PGM1: variants seen among roughly 807,000 people sequenced by gnomAD.
The protein encoded by PGM1 is phosphoglucomutase 1.
In PGM1, 52 loss-of-function variants were observed where a neutral mutation model predicts 55.6. The ratio of observed to expected loss-of-function variants is 0.94; its 90% CI spans 0.75 to 1.18. The LOEUF (loss-of-function observed/expected upper bound fraction) is 1.18. Among genes scored for constraint, PGM1 ranks in the 50% most tolerant of loss-of-function variants. The probability of loss-of-function intolerance (pLI) is 0.00; values close to 1 mark genes in which losing one functional copy is unlikely to be tolerated. For synonymous variants in PGM1, 287 were observed against 271.7 expected (o/e 1.06, Z -0.55); for missense variants, 724 against 729.3 (o/e 0.99, Z 0.08).
intron 4 of PGM1, among the ~76,000 whole-genome samples, chr1:63,632,370 C>T (rs994529328): frequency 2.0e-5 from 3 of 152,142 alleles, no homozygotes; most frequent in African/African-American, 4.8e-5. Flanking sequence ...ATCCCTGAAA[C>T]CTATACACAT....
chr1:63,633,586 G>A (rs527606028), intron 4 of PGM1, among the ~76,000 whole-genome samples: 7 of 152,170 alleles, frequency 4.6e-5, no homozygotes, highest in African/African-American at 1.2e-4. Flanking sequence ...TCAGAGATGC[G>A]TGTTCTTGGT....
At chr1:63,618,687 TC>T (rs1207445877) in intron 1 of PGM1, among the ~76,000 whole-genome samples, 58 of 152,292 alleles carry the variant, frequency 3.8e-4, no homozygotes, top group African/African-American at 1.3e-3. Flanking sequence ...GGGTTACCTT[TC>T]CAGTTGAATT....
intron 1 of PGM1, chr1:63,623,801 A>G (rs1648951616): frequency 1.4e-6 from 2 of 1,407,312 alleles, no homozygotes; most frequent in African/African-American, 2.8e-5. Flanking sequence ...TGGCTCTCCA[A>G]ATAACCTTAA....
At chr1:63,633,487 G>A (rs1649252733) in intron 4 of PGM1, among the ~76,000 whole-genome samples, 1 of 152,090 alleles carries the variant, frequency 6.6e-6, no homozygotes, top group South Asian at 2.1e-4. Flanking sequence ...TGCCTCATAG[G>A]ACACATTTAT....
At chr1:63,622,857 G>A (rs548063418) in intron 1 of PGM1, among the ~76,000 whole-genome samples, 1 of 152,322 alleles carries the variant, frequency 6.6e-6, no homozygotes, top group South Asian at 2.1e-4. Flanking sequence ...AAAACCAGGG[G>A]TAAATTAAGC....
rs368108235 is a variant in PGM1 at position 63,593,477 on chromosome 1, C to A, written c.-12C>A. On this transcript the variant is annotated 5_prime_UTR_variant, in exon 1 of 11. Transcript: ENST00000371084. Reference sequence around the variant, plus strand: ...AGTCCGCCGCTCTGACCCCCGGCAGCAAGTCGCCACCATGGTGAAGATCGT... The same window carrying A: ...AGTCCGCCGCTCTGACCCCCGGCAGAAAGTCGCCACCATGGTGAAGATCGT... The A allele has an allele frequency of 2.3e-5, 37 of 1,613,470 alleles. No individual in the cohort carries two copies. The highest frequency in any genetic ancestry group is 2.9e-5 in the Non-Finnish European group (34 of 1,179,900).
At chr1:63,593,770 T>TGGCGCGTGTGCGACGTGC (rs749490180) in intron 1 of PGM1, 36 bp downstream of exon 1, 1 of 1,553,466 alleles carries the variant, frequency 6.4e-7, no homozygotes, top group Middle Eastern at 2.3e-4. Flanking sequence ...CTGTGCACCC[T>TGGCGCGTGTGCGACGTGC]GGCGCGTGTG....
At chr1:63,598,032 C>T (rs764178201) in intron 1 of PGM1, among the ~76,000 whole-genome samples, 31 of 152,100 alleles carry the variant, frequency 2.0e-4, no homozygotes, top group Non-Finnish European at 3.2e-4. Context: ...CACAGTAGCG[C>T]GATCGTGGCT....
intron 4 of PGM1, among the ~76,000 whole-genome samples, chr1:63,634,551 G>C (rs187654271): frequency 2.6e-5 from 4 of 152,184 alleles, no homozygotes; most frequent in Admixed American, 2.0e-4. Flanking sequence ...TATACCGCAG[G>C]GCCTTTATAA....
intron 10 of PGM1, among the ~76,000 whole-genome samples, chr1:63,656,570 T>TA (rs1649971361): frequency 8.6e-6 from 1 of 116,860 alleles, no homozygotes; most frequent in African/African-American, 3.8e-5. Flanking sequence ...GAAGACATTG[T>TA]GGTGTGTGTG....
Position 63,593,574 on chromosome 1 carries a change from T to A in PGM1, c.86T>A (p.Phe29Tyr), listed in dbSNP as rs545457280. The change falls in exon 1 of 11, where the codon TTC becomes TAC. Residue 29 changes from phenylalanine to tyrosine, a missense_variant. This residue lies in a region of PGM1 where 379 missense variants were observed against 357.5 expected (regional missense o/e 1.06). Transcript: ENST00000371084. ...GGGCTGCGGAAGCGGGTGAAGGTGT[T>A]CCAGAGCAGCGCCAACTACGCGGAG... ...TSGLRKRVKV[F>Y]QSSANYAENF... 4 of 1,613,774 alleles carry A rather than the reference T, an allele frequency of 2.5e-6. No individual in the cohort carries two copies. In the South Asian group the frequency reaches 4.4e-5, roughly 18 times the overall value.
At chr1:63,659,540 T>G in intron 10 of PGM1, 46 bp from the exon 11 acceptor site, 1 of 1,466,882 alleles carries the variant, frequency 6.8e-7, no homozygotes, top group Non-Finnish European at 9.6e-7. Flanking sequence ...TAAGCATCTG[T>G]GTTTAGAGGA....
chr1:63,603,176 C>G (rs1648290615), intron 1 of PGM1, among the ~76,000 whole-genome samples: 1 of 152,214 alleles, frequency 6.6e-6, no homozygotes, highest in Non-Finnish European at 1.5e-5. Flanking sequence ...AAGTTACTGC[C>G]ACATGCATGG....
intron 4 of PGM1, 116 bp downstream of exon 4, chr1:63,631,898 T>C (rs572642288): frequency 9.6e-7 from 1 of 1,042,762 alleles, no homozygotes; most frequent in African/African-American, 1.6e-5. Context: ...GGTTTTTAAA[T>C]AGAGTTATTT....
intron 1 of PGM1, among the ~76,000 whole-genome samples, chr1:63,612,417 A>G (rs1648593375): frequency 6.6e-6 from 1 of 152,226 alleles, no homozygotes; most frequent in African/African-American, 2.4e-5. Flanking sequence ...TGATTGATAT[A>G]TAGTTCACTA....
Position 63,638,772 on chromosome 1 carries a change from C to T in PGM1, c.1116C>T (p.Ser372=), listed in dbSNP as rs1198891438. The change falls in exon 7 of 11, where the codon TCC becomes TCT. Residue 372 remains serine (S), a synonymous_variant. Transcript: ENST00000371084. The part of the protein sequence containing the change: ...FGNLMDASKL[S]LCGEESFGTG... ...ATTTGATGGACGCGAGCAAACTGTC[C>T]CTTTGTGGGGAGGAGAGCTTCGGGA... 3 of 1,613,906 alleles carry T rather than the reference C, an allele frequency of 1.9e-6. No individual in the cohort carries two copies. Among genetic ancestry groups the T allele is most frequent in the Non-Finnish European group, 2.5e-6 (3 of 1,179,838 alleles).
At chr1:63,593,827 C>A in intron 1 of PGM1, 93 bp downstream of exon 1, 1 of 1,317,956 alleles carries the variant, frequency 7.6e-7, no homozygotes, top group South Asian at 2.2e-5. Context: ...CCGGCCGCTT[C>A]CGCGCGCTGC....
intron 3 of PGM1, among the ~76,000 whole-genome samples, 157 bp downstream of exon 3, chr1:63,630,245 G>A (rs1649158887): frequency 6.6e-6 from 1 of 152,164 alleles, no homozygotes; most frequent in South Asian, 2.1e-4. Context: ...CTGGAATTAG[G>A]TTTGGGAGAC....
In PGM1 at chr1:63,636,309, A is replaced by G. The variant is rs576570314; in HGVS notation, c.949A>G (p.Ile317Val). The change falls in exon 6 of 11, where the codon ATC (isoleucine) becomes GTC (valine). Residue 317 changes from isoleucine to valine, a missense_variant. Coordinates refer to ENST00000371084, the MANE Select transcript of PGM1 (RefSeq NM_002633.3). The stretch of plus-strand genomic sequence containing the variant: ...CTCTGTGGCTGTCATTGCTGCCAAC[A>G]TCTTCAGCATTCCGTATTTCCAGCA... ...SDSVAVIAAN[I>V]FSIPYFQQTG... 1 of 1,614,036 alleles carries G rather than the reference A, an allele frequency of 6.2e-7. No individual in the cohort carries two copies. Among genetic ancestry groups the G allele is most frequent in the South Asian group, 1.1e-5 (1 of 91,082 alleles).
Sources: gnomAD v4.1 joint callset for allele counts (sites outside exome capture counted in the v4.1 genomes callset) on GRCh38, gnomAD v4.1.1 for gene constraint, gnomAD v4.1.1 regional missense constraint, MANE v1.5 for transcripts, NCBI Gene and HGNC (gene_info 2026-07-23, HGNC 2026-07-21) for gene names.